PCM1: variants seen among roughly 807,000 people sequenced by gnomAD.
The protein encoded by PCM1 is pericentriolar material 1 protein.
Under a neutral mutation model 241.9 loss-of-function variants are expected in PCM1, and 157 were observed. The observed-to-expected ratio is 0.65, with a 90% CI of 0.57 to 0.74. PCM1 has a LOEUF of 0.74. Ranked by LOEUF, PCM1 falls within the 30% of genes least tolerant of loss-of-function variation. The probability of loss-of-function intolerance (pLI) is 0.00; values close to 1 mark genes in which losing one functional copy is unlikely to be tolerated. For missense variants in PCM1, 3,478 were observed against 2,360.1 expected (o/e 1.47, Z -9.81); for synonymous variants, 1,085 against 784.9 (o/e 1.38, Z -6.39).
intron 6 of PCM1, among the ~76,000 whole-genome samples, chr8:17,941,421 G>A (rs1051736181): frequency 1.3e-5 from 2 of 152,014 alleles, no homozygotes; most frequent in East Asian, 1.9e-4. Context: ...TGGTAATTCC[G>A]CAGGATGTGG....
chr8:17,989,989 A>G lies in PCM1; in HGVS notation c.4531+10A>G. The G allele has an allele frequency of 6.6e-7, 1 of 1,514,146 alleles. No individual in the cohort carries two copies. The highest frequency in any genetic ancestry group is 8.8e-7 in the Non-Finnish European group (1 of 1,131,156). 93.8% of individuals were successfully genotyped at this position (1,514,146 alleles called of 1,614,324 possible). On this transcript the variant is annotated intron_variant, in intron 27 of 38. Coordinates refer to ENST00000325083, the MANE Select transcript of PCM1 (RefSeq NM_006197.4). ...GCAACAGATGATCTAGGTAAGCAGA[A>G]TTGTTTATAATCTTAGAAACAACTT... is the stretch of plus-strand genomic sequence containing the variant.
At chr8:17,939,132 ACCT>A in intron 5 of PCM1, 123 bp downstream of exon 5, 1 of 821,558 alleles carries the variant, frequency 1.2e-6, no homozygotes, top group Middle Eastern at 2.5e-4. Flanking sequence ...TGCTTCACTG[ACCT>A]CCTTTGTTAA....
chr8:17,982,409 A>T, intron 24 of PCM1: 1 of 152,190 alleles, frequency 6.6e-6, no homozygotes, highest in Non-Finnish European at 1.5e-5. Flanking sequence ...ACTTAGTGAA[A>T]TATAATGATT....
In PCM1 at chr8:17,956,941, A is replaced by G. The variant is rs533706047; in HGVS notation, c.1646+164A>G. ...ATCTCTGCCCTGTGAAGAAAGATGA[A>G]TAGGGAAGTATGGAGTACAATAGTT... On this transcript the variant is annotated intron_variant, in intron 11 of 38. Coordinates refer to ENST00000325083, the MANE Select transcript of PCM1 (RefSeq NM_006197.4). Among the ~76,000 whole-genome samples the G allele has an allele frequency of 5.9e-5, 9 of 152,340 alleles. No individual in the cohort carries two copies. In the South Asian group the frequency reaches 1.9e-3, roughly 32 times the overall value.
At chr8:17,950,188 C>T (rs970034901) in intron 7 of PCM1, among the ~76,000 whole-genome samples, 1 of 152,182 alleles carries the variant, frequency 6.6e-6, no homozygotes, top group Non-Finnish European at 1.5e-5. Flanking sequence ...ACTATTTCAA[C>T]CTTTAAGCAA....
At chr8:17,955,392 A>T in intron 9 of PCM1, 78 bp from the exon 10 acceptor site, 2 of 979,084 alleles carry the variant, frequency 2.0e-6, no homozygotes, top group Admixed American at 6.6e-5. Flanking sequence ...TTAGTTTTCA[A>T]TATCCAAGCC....
chr8:17,997,300 T>C (rs141302985), intron 29 of PCM1, among the ~76,000 whole-genome samples: 53 of 152,328 alleles, frequency 3.5e-4, no homozygotes, highest in Middle Eastern at 3.4e-3. Context: ...TTCTTTTCTC[T>C]TGCTGCTTTT....
At chr8:18,016,282 T>TAGAA (rs1378550997) in intron 36 of PCM1, among the ~76,000 whole-genome samples, 4 of 111,382 alleles carry the variant, frequency 3.6e-5, no homozygotes, top group Non-Finnish European at 7.0e-5. Flanking sequence ...AGGTGAGGTT[T>TAGAA]AGAAAGATAG....
At position 18,011,263 on chromosome 8, in the gene PCM1, G is replaced by T. The variant is rs922242527; in HGVS notation, c.5247G>T (p.Lys1749Asn). 1.9e-6 allele frequency: 3 copies of T among 1,605,910 alleles called. No individual in the cohort carries two copies. In the African/African-American group the frequency reaches 4.0e-5, roughly 21 times the overall value. ...ACAAGGATGAAACTGAAACAGTTAA[G>T]CAGACTCAAACATCTGAGGTGTATG... is the stretch of plus-strand genomic sequence containing the variant. Reference protein sequence around the residue: ...DKDKDETETVKQTQTSEVYDG... With the variant: ...DKDKDETETVNQTQTSEVYDG... The change falls in exon 33 of 39, where the codon AAG (lysine) becomes AAT (asparagine). Residue 1749 changes from lysine (K) to asparagine (N), a missense_variant. Lys to Asn is a moderately conservative substitution (Grantham distance 94, BLOSUM62 0). Coordinates refer to ENST00000325083, the MANE Select transcript of PCM1 (RefSeq NM_006197.4).
In PCM1 at chr8:17,989,880, G is replaced by C. The variant is rs536407543; in HGVS notation, c.4432G>C (p.Glu1478Gln). The C allele has an allele frequency of 1.3e-4, 198 of 1,542,850 alleles. 1 individual carries two copies. In the East Asian group the frequency reaches 4.4e-3, roughly 35 times the overall value. Residue 1478 changes from glutamate (E) to glutamine (Q), a missense_variant, in exon 27 of 39, where the codon GAA becomes CAA. By Grantham distance (29) the Glu-to-Gln change is conservative. Coordinates refer to ENST00000325083, the MANE Select transcript of PCM1 (RefSeq NM_006197.4). ...TTAGGAAACTTTTGAGAAGAACTTTGAAAGAGAAACCCATAAAATAAGTGA... is the reference window on the plus strand; with the variant it reads ...TTAGGAAACTTTTGAGAAGAACTTTCAAAGAGAAACCCATAAAATAAGTGA... ...TDDETFEKNF[E>Q]RETHKISEQN...
intron 22 of PCM1, among the ~76,000 whole-genome samples, chr8:17,971,671 C>G (rs2076903568): frequency 1.3e-5 from 2 of 152,224 alleles, no homozygotes; most frequent in South Asian, 4.1e-4. Flanking sequence ...CCCAAGCCCT[C>G]TGCTATAGCT....
rs1403198729 is a variant in PCM1, at chr8:17,966,214, A to G, written c.3071A>G (p.Gln1024Arg). The G allele has an allele frequency of 1.4e-5, 22 of 1,612,646 alleles. No homozygotes were observed. The highest frequency in any genetic ancestry group is 2.2e-5 in the East Asian group (1 of 44,878). ...ATTTGTCAGACTTTGATGCAAGACC[A>G]GCAGGTAAAATTTGCTATGAAAGTA... Reference protein sequence around the residue: ...VSICQTLMQDQQTLSCLLQTL... With the variant: ...VSICQTLMQDRQTLSCLLQTL... The change falls in exon 19 of 39, where the codon CAG becomes CGG. Residue 1024 changes from glutamine to arginine, a missense_variant. Gln to Arg is a conservative substitution (Grantham distance 43). Transcript: ENST00000325083.
rs538280126 is a variant in PCM1 at position 18,023,552 on chromosome 8, G to A, written c.5842-1809G>A. Among the ~76,000 whole-genome samples, 5 of 152,302 alleles carry A rather than the reference G, an allele frequency of 3.3e-5. No individual in the cohort carries two copies. The South Asian group carries it at 1.0e-3, about 32-fold the overall frequency. ...CTGCTCACAGGGATGAGCTTTGGGT[G>A]AAACGTATTGTTTTTATGTTAATTA... On this transcript the variant is annotated intron_variant, in intron 36 of 38. Transcript: ENST00000325083.
chr8:17,950,168 TAAC>T lies in PCM1; in HGVS notation c.962-445_962-443del, dbSNP rs138305618. 1.1e-4 allele frequency among the ~76,000 whole-genome samples: 17 copies of T among 152,302 alleles called. No homozygotes were observed. In the East Asian group the frequency reaches 3.3e-3, roughly 29 times the overall value. Reference sequence around the variant, plus strand: ...CAAAAACTGTATTTCCCACAAAGTTTAACATATTTACTATTTCAACCTTTAAGC... The same window carrying T: ...CAAAAACTGTATTTCCCACAAAGTTTATATTTACTATTTCAACCTTTAAGC... On this transcript the variant is annotated intron_variant, in intron 7 of 38. Coordinates refer to ENST00000325083, the MANE Select transcript of PCM1 (RefSeq NM_006197.4).
chr8:17,998,514 A>G (rs558812188), intron 29 of PCM1, among the ~76,000 whole-genome samples: 4 of 152,276 alleles, frequency 2.6e-5, no homozygotes, highest in African/African-American at 9.6e-5. Flanking sequence ...TTTCAAATAA[A>G]TGGAATCTCT....
Position 17,942,329 on chromosome 8 carries a change from C to T in PCM1, c.783+2468C>T, listed in dbSNP as rs192551196. ...TAAAAATACAAAAATTAGCTGGGCA[C>T]GGTGGCGCACGCCTGTAATCCCAGC... On this transcript the variant is annotated intron_variant, in intron 6 of 38. Coordinates refer to ENST00000325083, the MANE Select transcript of PCM1 (RefSeq NM_006197.4). 2.8e-3 allele frequency among the ~76,000 whole-genome samples: 428 copies of T among 152,040 alleles called. 2 individuals are homozygous for T. Among genetic ancestry groups the T allele is most frequent in the African/African-American group, 0.01 (416 of 41,482 alleles).
intron 2 of PCM1, among the ~76,000 whole-genome samples, chr8:17,928,933 G>C (rs184336455): frequency 6.6e-6 from 1 of 152,126 alleles, no homozygotes; most frequent in Non-Finnish European, 1.5e-5. Context: ...CACCCGACCA[G>C]TATCTCCCTC....
intron 16 of PCM1, 74 bp from the exon 17 acceptor site, chr8:17,963,027 C>T: frequency 9.9e-7 from 1 of 1,010,948 alleles, no homozygotes; most frequent in Non-Finnish European, 1.5e-6. Flanking sequence ...ACTGACAATA[C>T]TAGTAGTCTT....
intron 23 of PCM1, among the ~76,000 whole-genome samples, chr8:17,975,110 T>G (rs964478827): frequency 2.0e-5 from 3 of 152,158 alleles, no homozygotes; most frequent in Non-Finnish European, 4.4e-5. Flanking sequence ...TTGGCAAGAT[T>G]TTTGGTATGA....
Sources: allele counts gnomAD v4.1 joint callset (sites outside exome capture counted in the v4.1 genomes callset), GRCh38; gene constraint gnomAD v4.1.1; transcripts MANE v1.5; gene names NCBI Gene and HGNC (gene_info 2026-07-23, HGNC 2026-07-21).